DCLK1: variants seen among roughly 807,000 people sequenced by gnomAD.
DCLK1 encodes serine/threonine-protein kinase DCLK1.
DCLK1 carries 16 observed loss-of-function variants against 86.2 expected under a neutral mutation model. The observed-to-expected ratio is 0.19, with a 90% CI of 0.13 to 0.28. DCLK1 has a LOEUF of 0.28. Among genes scored for constraint, DCLK1 ranks in the 10% least tolerant of loss-of-function variants. The probability of loss-of-function intolerance (pLI) is 1.00; values close to 1 mark genes in which losing one functional copy is unlikely to be tolerated. For synonymous variants in DCLK1, 369 were observed against 370.5 expected (o/e 1.00, Z 0.05); for missense variants, 590 against 940.2 (o/e 0.63, Z 4.87).
rs2153096691 is a variant in DCLK1, at chr13:35,773,623, T to C, written c.*912A>G. The C allele has an allele frequency of 6.6e-6, 1 of 151,816 alleles. No homozygotes were observed. The highest frequency in any genetic ancestry group is 3.4e-3 in the Middle Eastern group (1 of 294). The allele number at this position is 151,816 out of a possible 1,614,324, so 9.4% of individuals were successfully genotyped here. A position where few individuals can be genotyped will look rare whatever the true frequency, so the allele number is the denominator to read the frequency against. On this transcript the variant is annotated 3_prime_UTR_variant, in exon 17 of 17. Coordinates refer to ENST00000360631, the MANE Select transcript of DCLK1 (RefSeq NM_001330071.2). Reference sequence around the variant, plus strand: ...AGAAAAATCACAGGATCTTATTCCCTCTTTCTGTTTGAAATTCCAGCCCTG... The same window carrying C: ...AGAAAAATCACAGGATCTTATTCCCCCTTTCTGTTTGAAATTCCAGCCCTG...
intron 5 of DCLK1, among the ~76,000 whole-genome samples, chr13:35,859,636 T>G (rs990835827): frequency 1.3e-5 from 2 of 152,026 alleles, no homozygotes; most frequent in African/African-American, 4.8e-5. Flanking sequence ...ATCCACCTTT[T>G]CCTTCATCAT....
chr13:35,800,260 C>G (rs1458554038), intron 15 of DCLK1, among the ~76,000 whole-genome samples: 1 of 152,252 alleles, frequency 6.6e-6, no homozygotes, highest in Non-Finnish European at 1.5e-5. Context: ...AGATTGCCCT[C>G]TCAGACTCTT....
At chr13:36,075,885 C>T (rs73525257) in intron 3 of DCLK1, among the ~76,000 whole-genome samples, 1 of 152,090 alleles carries the variant, frequency 6.6e-6, no homozygotes, top group African/African-American at 2.4e-5. Flanking sequence ...ATTAGCCGAA[C>T]ACAGTGGCAC....
At chr13:36,068,375 C>A (rs1279885514) in intron 3 of DCLK1, among the ~76,000 whole-genome samples, 1 of 152,096 alleles carries the variant, frequency 6.6e-6, no homozygotes, top group Non-Finnish European at 1.5e-5. Context: ...TTACACAAAG[C>A]CACAGTAAAA....
At chr13:36,125,624 C>G in intron 2 of DCLK1, 138 bp downstream of exon 2, 1 of 1,275,774 alleles carries the variant, frequency 7.8e-7, no homozygotes. Context: ...ATAGCACATT[C>G]GTATGTCTGA....
intron 8 of DCLK1, among the ~76,000 whole-genome samples, chr13:35,833,573 T>C (rs1385719790): frequency 1.3e-5 from 2 of 152,214 alleles, no homozygotes; most frequent in Non-Finnish European, 2.9e-5. Context: ...CCAAAGACTA[T>C]GCCGGAACAG....
rs998922287 is a variant in DCLK1, at chr13:36,068,292, A to C, written c.723+43577T>G. On this transcript the variant is annotated intron_variant, in intron 3 of 16. Transcript: ENST00000360631. The stretch of plus-strand genomic sequence containing the variant: ...AGTTAAAATGCATTTGACACTGTAC[A>C]TAGTTTTGGCTAGCTACACTGTCTT... 3.3e-5 allele frequency among the ~76,000 whole-genome samples: 5 copies of C among 152,210 alleles called. 1 individual carries two copies. The highest frequency in any genetic ancestry group is 3.3e-4 in the Admixed American group (5 of 15,282).
intron 4 of DCLK1, among the ~76,000 whole-genome samples, chr13:35,934,536 A>C (rs569322808): frequency 6.6e-6 from 1 of 152,144 alleles, no homozygotes; most frequent in South Asian, 2.1e-4. Context: ...AAAAGCAGAA[A>C]CCCCTGGTAA....
chr13:36,103,066 T>TTTG (rs1200698920), intron 3 of DCLK1, among the ~76,000 whole-genome samples: 1 of 151,980 alleles, frequency 6.6e-6, no homozygotes, highest in Admixed American at 6.6e-5. Context: ...TCTGTGGGGT[T>TTTG]TTGTTGTTGT....
chr13:36,001,148 A>G (rs1054425156), intron 3 of DCLK1, among the ~76,000 whole-genome samples: 3 of 152,092 alleles, frequency 2.0e-5, no homozygotes, highest in East Asian at 3.9e-4. Flanking sequence ...GGGTTTCTAC[A>G]TGTTGGTCAG....
At chr13:36,046,489 G>C (rs77389302) in intron 3 of DCLK1, among the ~76,000 whole-genome samples, 2 of 152,166 alleles carry the variant, frequency 1.3e-5, no homozygotes, top group South Asian at 4.1e-4. Flanking sequence ...AAAGTAAACT[G>C]GTTGTTTGAA....
At chr13:35,921,497 T>A (rs1400410503) in intron 4 of DCLK1, among the ~76,000 whole-genome samples, 2 of 152,136 alleles carry the variant, frequency 1.3e-5, no homozygotes, top group African/African-American at 4.8e-5. Flanking sequence ...AAACCTTAGA[T>A]CCACAATGCA....
At position 35,909,388 on chromosome 13, in the gene DCLK1, G is replaced by T. The variant is rs375672703; in HGVS notation, c.823+37970C>A. 2.2e-4 allele frequency among the ~76,000 whole-genome samples: 34 copies of T among 152,272 alleles called. 2 individuals carry two copies. The East Asian group carries it at 6.0e-3, about 27-fold the overall frequency. On this transcript the variant is annotated intron_variant, in intron 4 of 16. Coordinates refer to ENST00000360631, the MANE Select transcript of DCLK1 (RefSeq NM_001330071.2). ...GCAAACATTAAAAATATGGGTCCTG[G>T]TGCCAGGCAGGCTTGCTGGCAATCC...
chr13:35,810,018 C>T, intron 12 of DCLK1, among the ~76,000 whole-genome samples: 1 of 152,164 alleles, frequency 6.6e-6, no homozygotes, highest in East Asian at 1.9e-4. Context: ...CTCAGTGCCC[C>T]ACCCTGTTAT....
At chr13:36,109,646 A>G (rs1378498000) in intron 3 of DCLK1, among the ~76,000 whole-genome samples, 1 of 152,228 alleles carries the variant, frequency 6.6e-6, no homozygotes, top group East Asian at 1.9e-4. Context: ...GACCCACAGC[A>G]CTCTATAAAA....
intron 3 of DCLK1, among the ~76,000 whole-genome samples, chr13:36,080,199 A>G (rs1193649184): frequency 6.6e-6 from 1 of 152,188 alleles, no homozygotes; most frequent in Admixed American, 6.5e-5. Context: ...TGAAGAAGGA[A>G]GGTGAGAAAG....
chr13:35,846,011 A>G (rs372936545), intron 6 of DCLK1: 9 of 985,360 alleles, frequency 9.1e-6, no homozygotes, highest in East Asian at 1.1e-4. Context: ...ACATTTTACA[A>G]TGAAACCACA....
intron 3 of DCLK1, among the ~76,000 whole-genome samples, chr13:35,979,852 G>C (rs533855961): frequency 9.8e-5 from 15 of 152,312 alleles, no homozygotes; most frequent in African/African-American, 2.9e-4. Flanking sequence ...TCTCTGAGCA[G>C]CTCTGGCACT....
chr13:35,866,455 T>C (rs1480930462), intron 5 of DCLK1, among the ~76,000 whole-genome samples: 2 of 40,062 alleles, frequency 5.0e-5, no homozygotes, highest in Non-Finnish European at 1.3e-4. Flanking sequence ...CAAAGACTCT[T>C]TTTTTTTTTT....
Sources: gnomAD v4.1 joint callset for allele counts (sites outside exome capture counted in the v4.1 genomes callset) on GRCh38, gnomAD v4.1.1 for gene constraint, MANE v1.5 for transcripts, NCBI Gene and HGNC (gene_info 2026-07-23, HGNC 2026-07-21) for gene names.